Variants in LOC128125817 observed in about 807,000 individuals in gnomAD.
chr1:41,618,481 C>A, the LOC128125817 span, among the ~76,000 whole-genome samples: 4 of 152,214 alleles, frequency 2.6e-5, no homozygotes, highest in Non-Finnish European at 5.9e-5. Context: ...TGGCTCCTGG[C>A]AGCCTCCTAC....
At chr1:41,607,690 G>A in the LOC128125817 span, among the ~76,000 whole-genome samples, 4 of 152,088 alleles carry the variant, frequency 2.6e-5, no homozygotes, top group East Asian at 7.7e-4. Context: ...ATTTATGAAT[G>A]AGGGATTATG....
chr1:41,585,498 C>T, the LOC128125817 span, among the ~76,000 whole-genome samples: 1 of 152,222 alleles, frequency 6.6e-6, no homozygotes, highest in African/African-American at 2.4e-5. Context: ...ATGTCCAAGC[C>T]CTGCAATTCT....
the LOC128125817 span, among the ~76,000 whole-genome samples, chr1:41,623,744 G>T: frequency 6.6e-6 from 1 of 152,152 alleles, no homozygotes; most frequent in Non-Finnish European, 1.5e-5. Context: ...CCCCACGCCG[G>T]TCTCTCACAA....
At chr1:41,602,390 T>C in the LOC128125817 span, among the ~76,000 whole-genome samples, 1 of 152,144 alleles carries the variant, frequency 6.6e-6, no homozygotes, top group African/African-American at 2.4e-5. Context: ...CTTTTCCTTG[T>C]TGGGAGTTTT....
the LOC128125817 span, among the ~76,000 whole-genome samples, chr1:41,599,692 A>T: frequency 6.6e-6 from 1 of 152,224 alleles, no homozygotes; most frequent in Non-Finnish European, 1.5e-5. Context: ...TAGATGTGGC[A>T]CCAAAAGCAT....
chr1:41,601,961 G>C, the LOC128125817 span, among the ~76,000 whole-genome samples: 1 of 152,252 alleles, frequency 6.6e-6, no homozygotes, highest in Admixed American at 6.5e-5. Flanking sequence ...AGGGTGTGTT[G>C]AATTTTGTCA....
At chr1:41,614,725 T>C in the LOC128125817 span, among the ~76,000 whole-genome samples, 3 of 152,160 alleles carry the variant, frequency 2.0e-5, no homozygotes, top group Non-Finnish European at 4.4e-5. Flanking sequence ...GGTAAGTCAC[T>C]TAGAAGGCCC....
the LOC128125817 span, among the ~76,000 whole-genome samples, chr1:41,597,992 G>C: frequency 6.6e-6 from 1 of 152,142 alleles, no homozygotes; most frequent in Non-Finnish European, 1.5e-5. Context: ...ATTTATATCC[G>C]ATTTTTCCCA....
At chr1:41,591,417 T>C in the LOC128125817 span, among the ~76,000 whole-genome samples, 1 of 152,148 alleles carries the variant, frequency 6.6e-6, no homozygotes, top group Non-Finnish European at 1.5e-5. Flanking sequence ...CAAGTGGTCC[T>C]AGCAGTGGGG....
the LOC128125817 span, among the ~76,000 whole-genome samples, chr1:41,616,861 T>G: frequency 5.1e-4 from 78 of 152,358 alleles, 1 homozygote; most frequent in African/African-American, 1.6e-3. Flanking sequence ...TGAGCAGTTA[T>G]CCTGTACCAG....
the LOC128125817 span, among the ~76,000 whole-genome samples, chr1:41,605,377 A>G: frequency 0.11 from 8,119 of 74,324 alleles, 233 homozygotes; most frequent in South Asian, 0.2. Context: ...GCACACGCGC[A>G]CACACACACA....
At chr1:41,618,359 C>T in the LOC128125817 span, among the ~76,000 whole-genome samples, 17 of 152,240 alleles carry the variant, frequency 1.1e-4, no homozygotes, top group African/African-American at 4.1e-4. Flanking sequence ...GCATGTCCAT[C>T]TGAAAATGCT....
chr1:41,615,815 CTTTTTTTTTTTTTTTT>C, the LOC128125817 span, among the ~76,000 whole-genome samples: 27 of 46,992 alleles, frequency 5.7e-4, 1 homozygote, highest in Admixed American at 4.6e-3. Flanking sequence ...TTTGACAAGT[CTTTTTTTTTTTTTTTT>C]TTTTTTTTTT....
At chr1:41,607,708 G>A in the LOC128125817 span, among the ~76,000 whole-genome samples, 1 of 152,100 alleles carries the variant, frequency 6.6e-6, no homozygotes, top group Non-Finnish European at 1.5e-5. Flanking sequence ...ATGTTGTAAA[G>A]TTAGGATATG....
chr1:41,611,962 G>A, the LOC128125817 span, among the ~76,000 whole-genome samples: 6 of 152,124 alleles, frequency 3.9e-5, no homozygotes, highest in East Asian at 7.7e-4. Flanking sequence ...ATATAAACTC[G>A]CCCTTCTTGA....
At chr1:41,627,734 C>A in the LOC128125817 span, among the ~76,000 whole-genome samples, 1,398 of 152,300 alleles carry the variant, frequency 9.2e-3, 10 homozygotes, top group Non-Finnish European at 0.013. Flanking sequence ...GCTGGGCCCA[C>A]AGACCCAAAC....
chr1:41,604,441 T>C, the LOC128125817 span, among the ~76,000 whole-genome samples: 1 of 152,202 alleles, frequency 6.6e-6, no homozygotes, highest in Admixed American at 6.5e-5. Flanking sequence ...TGCCGTGTGA[T>C]GATGTGAATG....
At chr1:41,617,737 C>T in the LOC128125817 span, among the ~76,000 whole-genome samples, 6 of 152,246 alleles carry the variant, frequency 3.9e-5, no homozygotes, top group Admixed American at 2.0e-4. Flanking sequence ...TCCCAAATCA[C>T]ACACATGCCT....
the LOC128125817 span, among the ~76,000 whole-genome samples, chr1:41,616,282 G>A: frequency 6.6e-6 from 1 of 152,188 alleles, no homozygotes; most frequent in Non-Finnish European, 1.5e-5. Context: ...GCCACAGCAG[G>A]GCAATGGGCA....
Sources: gnomAD v4.1 joint callset for allele counts (sites outside exome capture counted in the v4.1 genomes callset) on GRCh38, gnomAD v4.1.1 for gene constraint, MANE v1.5 for transcripts.